TG: variants seen among roughly 807,000 people sequenced by gnomAD.
The protein encoded by TG is thyroglobulin.
TG carries 270 observed loss-of-function variants against 324.7 expected under a neutral mutation model. The observed-to-expected ratio is 0.83, with a 90% CI of 0.75 to 0.92. The LOEUF is 0.92. Among genes scored for constraint, TG ranks in the 40% least tolerant of loss-of-function variants. The pLI, the probability that TG is intolerant of heterozygous loss-of-function variation, is 0.00. For synonymous variants in TG, 1,401 were observed against 1,327.0 expected, an observed-to-expected ratio of 1.06 and a Z score of -1.21; for missense variants, 3,591 against 3,456.4, an observed-to-expected ratio of 1.04 and a Z score of -0.98.
intron 11 of TG, among the ~76,000 whole-genome samples, chr8:132,897,372 T>A (rs571374770): frequency 6.6e-6 from 1 of 152,354 alleles, no homozygotes; most frequent in South Asian, 2.1e-4. Flanking sequence ...CTGAAGACAC[T>A]TCACTGACCT....
intron 46 of TG, among the ~76,000 whole-genome samples, chr8:133,132,965 G>A (rs1321596000): frequency 6.6e-6 from 1 of 152,226 alleles, no homozygotes; most frequent in South Asian, 2.1e-4. Context: ...CAGGGCTGGT[G>A]TTTGGGCTAC....
At chr8:133,019,325 C>T (rs1835348350) in intron 38 of TG, among the ~76,000 whole-genome samples, 1 of 152,248 alleles carries the variant, frequency 6.6e-6, no homozygotes, top group Non-Finnish European at 1.5e-5. Context: ...TCTTCTCTAT[C>T]TCAAGCTGTT....
Position 132,996,388 on chromosome 8 carries a change from G to A in TG, c.6262+12976G>A, listed in dbSNP as rs554857872. Among the ~76,000 whole-genome samples the A allele has an allele frequency of 5.9e-5, 9 of 152,214 alleles. No homozygotes were observed. The South Asian group carries it at 1.4e-3, about 25-fold the overall frequency. On this transcript the variant is annotated intron_variant, in intron 35 of 47. Transcript: ENST00000220616. ...TTAATCTTTATGGAGATATAAATTA[G>A]CATTCTATTGCTCCTTTATTAATTA...
chr8:132,889,751 G>T (rs1212938474), intron 10 of TG, among the ~76,000 whole-genome samples: 4 of 152,178 alleles, frequency 2.6e-5, no homozygotes, highest in Non-Finnish European at 4.4e-5. Context: ...AGCATGAGTT[G>T]TTGATACCAA....
chr8:133,116,897 A>G (rs1850742393), intron 45 of TG, among the ~76,000 whole-genome samples, 181 bp downstream of exon 45: 1 of 150,630 alleles, frequency 6.6e-6, no homozygotes, highest in Admixed American at 6.6e-5. Context: ...AAAAAAAAAA[A>G]TGGTGTGAAA....
chr8:133,050,670 T>G, intron 41 of TG: 1 of 619,754 alleles, frequency 1.6e-6, no homozygotes, highest in Non-Finnish European at 2.9e-6. Context: ...AAGAGGAAGG[T>G]TGCAGTATGG....
chr8:133,048,954 C>G (rs1839940791), intron 41 of TG: 1 of 325,410 alleles, frequency 3.1e-6, no homozygotes, highest in African/African-American at 2.2e-5. Flanking sequence ...GAAGAAGTAA[C>G]TTAGTGTTTA....
chr8:132,946,105 A>G (rs1445852260), intron 26 of TG, among the ~76,000 whole-genome samples: 3 of 152,158 alleles, frequency 2.0e-5, no homozygotes. Flanking sequence ...ATCTATATTT[A>G]GAAACAACAT....
chr8:133,125,578 C>A (rs1851455708), intron 45 of TG, among the ~76,000 whole-genome samples: 1 of 152,222 alleles, frequency 6.6e-6, no homozygotes, highest in Non-Finnish European at 1.5e-5. Context: ...TGGAAGAAAG[C>A]AACCACAACT....
intron 41 of TG, chr8:133,059,225 C>G (rs1434310267): frequency 2.3e-6 from 1 of 443,432 alleles, no homozygotes; most frequent in Non-Finnish European, 4.6e-6. Context: ...GCCCCAAATG[C>G]TACCATGTAA....
chr8:132,961,371 G>A lies in TG; in HGVS notation c.5467+298G>A, dbSNP rs190741525. ...CCTTGTTCCTAGGAGGGGAGTTCAGGGCCATTGCAAAGCACAGGAGGCATT... is the reference window on the plus strand; with the variant it reads ...CCTTGTTCCTAGGAGGGGAGTTCAGAGCCATTGCAAAGCACAGGAGGCATT... On this transcript the variant is annotated intron_variant, in intron 28 of 47. Transcript: ENST00000220616. Among the ~76,000 whole-genome samples, 13 of 152,254 alleles carry A rather than the reference G, an allele frequency of 8.5e-5. No homozygotes were observed. The East Asian group carries it at 1.5e-3, about 18-fold the overall frequency.
chr8:132,965,965 A>G (rs1056455717), intron 29 of TG, among the ~76,000 whole-genome samples: 1 of 152,178 alleles, frequency 6.6e-6, no homozygotes, highest in Non-Finnish European at 1.5e-5. Context: ...ATGGCATGTA[A>G]ATACCTGAAG....
chr8:133,061,640 G>A (rs1002721978), intron 41 of TG, among the ~76,000 whole-genome samples: 6 of 152,140 alleles, frequency 3.9e-5, no homozygotes, highest in East Asian at 3.9e-4. Context: ...GAGAAGAGAC[G>A]GAACAGGGTC....
rs189683281 is a variant in TG, at chr8:133,115,991, T to A, written c.7755-618T>A. On this transcript the variant is annotated intron_variant, in intron 44 of 47. Coordinates refer to ENST00000220616, the MANE Select transcript of TG (RefSeq NM_003235.5). Reference sequence around the variant, plus strand: ...TTCCACTGTAGGATGTTCAGCAGCATCCTGACCCCCACACACTAGATGCCA... The same window carrying A: ...TTCCACTGTAGGATGTTCAGCAGCAACCTGACCCCCACACACTAGATGCCA... Among the ~76,000 whole-genome samples, 195 of 152,192 alleles carry A rather than the reference T, an allele frequency of 1.3e-3. 4 individuals are homozygous for A. In the East Asian group the frequency reaches 0.014, roughly 11 times the overall value.
chr8:132,900,413 G>T (rs1334050072), intron 15 of TG, 74 bp downstream of exon 15: 4 of 1,390,494 alleles, frequency 2.9e-6, no homozygotes, highest in African/African-American at 2.8e-5. Flanking sequence ...CAAAGAGCTG[G>T]CTTCGTGTCC....
chr8:133,063,839 T>C (rs1023370966), intron 41 of TG: 2 of 152,232 alleles, frequency 1.3e-5, no homozygotes, highest in South Asian at 4.1e-4. Context: ...AGGCTTTTAT[T>C]TGAGAAGAGT....
At chr8:133,025,153 T>C (rs887525526) in intron 40 of TG, among the ~76,000 whole-genome samples, 2 of 152,144 alleles carry the variant, frequency 1.3e-5, no homozygotes, top group Non-Finnish European at 2.9e-5. Context: ...TTCAGGAAAC[T>C]GAGGCACAGA....
intron 39 of TG, among the ~76,000 whole-genome samples, chr8:133,020,264 G>A (rs895773246): frequency 1.3e-5 from 2 of 152,222 alleles, no homozygotes; most frequent in African/African-American, 4.8e-5. Flanking sequence ...TGGGCTGTCC[G>A]GGCCCCATCC....
At position 132,919,230 on chromosome 8, in the gene TG, GAC is replaced by G; in HGVS notation, c.4379-140_4379-139del. 4.6e-6 allele frequency: 4 copies of G among 871,820 alleles called. No individual in the cohort carries two copies. The South Asian group carries it at 6.2e-5, about 13-fold the overall frequency. The allele number at this position is 871,820 out of a possible 1,614,324, so 54.0% of individuals were successfully genotyped here. On this transcript the variant is annotated intron_variant, in intron 20 of 47. Coordinates refer to ENST00000220616, the MANE Select transcript of TG (RefSeq NM_003235.5). The stretch of plus-strand genomic sequence containing the variant: ...GCTGCTTCCCTGCTTCTTAGAGTCT[GAC>G]ACACAGTAGGTTCTCAGTGGACATT...
Sources: gnomAD v4.1 joint callset for allele counts (sites outside exome capture counted in the v4.1 genomes callset) on GRCh38, gnomAD v4.1.1 for gene constraint, MANE v1.5 for transcripts, NCBI Gene and HGNC (gene_info 2026-07-23, HGNC 2026-07-21) for gene names.